ADAMTS6: variants seen among roughly 807,000 people sequenced by gnomAD.
ADAMTS6 encodes the protein ADAM metallopeptidase with thrombospondin type 1 motif 6.
ADAMTS6 carries 23 observed loss-of-function variants against 144.3 expected under a neutral mutation model. The observed-to-expected ratio is 0.16, with a 90% CI of 0.11 to 0.23. ADAMTS6 has a LOEUF of 0.23. Among genes scored for constraint, ADAMTS6 ranks in the 10% least tolerant of loss-of-function variants. The pLI, the probability that ADAMTS6 is intolerant of heterozygous loss-of-function variation, is 1.00. For synonymous variants in ADAMTS6, 444 were observed against 457.5 expected, an observed-to-expected ratio of 0.97 and a Z score of 0.38; for missense variants, 999 against 1,379.6, an observed-to-expected ratio of 0.72 and a Z score of 4.37.
chr5:65,331,253 T>C (rs559718097), intron 8 of ADAMTS6, among the ~76,000 whole-genome samples: 2 of 152,228 alleles, frequency 1.3e-5, no homozygotes, highest in African/African-American at 4.8e-5. Context: ...TTAATGTTTC[T>C]TACATTTCCC....
chr5:65,278,813 A>C (rs1762761553), intron 11 of ADAMTS6, among the ~76,000 whole-genome samples: 1 of 152,164 alleles, frequency 6.6e-6, no homozygotes, highest in Non-Finnish European at 1.5e-5. Flanking sequence ...ATGATATTTA[A>C]ATTGAATATA....
chr5:65,207,704 T>C (rs1304594320), intron 20 of ADAMTS6, among the ~76,000 whole-genome samples: 1 of 152,260 alleles, frequency 6.6e-6, no homozygotes, highest in Non-Finnish European at 1.5e-5. Context: ...AGGTCTTCTC[T>C]GATTAGAACT....
At chr5:65,446,860 G>A (rs754141312) in intron 7 of ADAMTS6, among the ~76,000 whole-genome samples, 33 of 152,124 alleles carry the variant, frequency 2.2e-4, no homozygotes, top group Non-Finnish European at 4.0e-4. Context: ...GGGAGTGATG[G>A]AATGTTCTAA....
chr5:65,195,909 T>G (rs567244035), intron 21 of ADAMTS6, among the ~76,000 whole-genome samples: 1 of 152,378 alleles, frequency 6.6e-6, no homozygotes, highest in South Asian at 2.1e-4. Context: ...CTACAAAGAT[T>G]ACTTTTGTCG....
At chr5:65,199,355 T>C (rs984840936) in intron 20 of ADAMTS6, among the ~76,000 whole-genome samples, 1 of 152,156 alleles carries the variant, frequency 6.6e-6, no homozygotes, top group East Asian at 1.9e-4. Context: ...ACCCTAGAAA[T>C]GTTGTTTGGC....
intron 9 of ADAMTS6, among the ~76,000 whole-genome samples, chr5:65,302,170 G>T (rs1419909998): frequency 2.2e-5 from 3 of 136,292 alleles, no homozygotes; most frequent in Admixed American, 7.6e-5. Context: ...ATATTTATAT[G>T]ATATTATACA....
rs182876819 is a variant in ADAMTS6 at position 65,363,068 on chromosome 5, G to A, written c.1074-28983C>T. 6.6e-5 allele frequency among the ~76,000 whole-genome samples: 10 copies of A among 152,070 alleles called. No individual in the cohort carries two copies. In the East Asian group the frequency reaches 1.2e-3, roughly 18 times the overall value. ...CCAAGATACAGCAGAAGCCTGTCAC[G>A]GTTTCACATTCATTGTATATTAAAT... On this transcript the variant is annotated intron_variant, in intron 7 of 24. Transcript: ENST00000381055.
In ADAMTS6 at chr5:65,277,629, A is replaced by C. The variant is rs1191688478; in HGVS notation, c.1513-4182T>G. ...GGACTGTCCTTATTTGTTAAGTTGT[A>C]ATTTTTTACTTTATTGGTGTTACAG... On this transcript the variant is annotated intron_variant, in intron 11 of 24. Coordinates refer to ENST00000381055, the MANE Select transcript of ADAMTS6 (RefSeq NM_197941.4). Among the ~76,000 whole-genome samples the C allele has an allele frequency of 2.0e-5, 3 of 151,672 alleles. No homozygotes were observed. The East Asian group carries it at 5.8e-4, about 29-fold the overall frequency.
At chr5:65,239,423 G>A (rs1053236630) in intron 15 of ADAMTS6, among the ~76,000 whole-genome samples, 3 of 152,132 alleles carry the variant, frequency 2.0e-5, no homozygotes, top group Non-Finnish European at 2.9e-5. Context: ...ATAGATCATA[G>A]ATGTAAATGT....
At chr5:65,194,133 T>C (rs1755183318) in intron 21 of ADAMTS6, among the ~76,000 whole-genome samples, 2 of 152,218 alleles carry the variant, frequency 1.3e-5, no homozygotes, top group African/African-American at 4.8e-5. Context: ...TTCAGTAGCC[T>C]TTCTATGATT....
intron 22 of ADAMTS6, among the ~76,000 whole-genome samples, chr5:65,180,714 AT>A (rs2075857901): frequency 6.6e-6 from 1 of 151,908 alleles, no homozygotes; most frequent in African/African-American, 2.4e-5. Flanking sequence ...TAAAAAAAAA[AT>A]CCCTTAATGG....
At chr5:65,367,983 T>A (rs1292702345) in intron 7 of ADAMTS6, among the ~76,000 whole-genome samples, 4 of 152,162 alleles carry the variant, frequency 2.6e-5, no homozygotes, top group Non-Finnish European at 5.9e-5. Context: ...TTATCTTTTT[T>A]AATTCATTAT....
At chr5:65,317,256 A>T (rs529568539) in intron 9 of ADAMTS6, among the ~76,000 whole-genome samples, 2 of 152,358 alleles carry the variant, frequency 1.3e-5, no homozygotes, top group South Asian at 4.1e-4. Context: ...TCAACTATAA[A>T]GAAAAGGTAT....
intron 24 of ADAMTS6, among the ~76,000 whole-genome samples, chr5:65,159,268 G>T (rs1031330717): frequency 4.6e-5 from 7 of 151,992 alleles, no homozygotes; most frequent in African/African-American, 1.7e-4. Context: ...CCCACACAAG[G>T]CTGCCCTCCC....
rs534182813 is a variant in ADAMTS6 at position 65,375,694 on chromosome 5, T to G, written c.1074-41609A>C. ...TAAACTAGTTCAACCATTGTGGAAG[T>G]CAGTGTGGCGATTCCTCAGGGATCT... On this transcript the variant is annotated intron_variant, in intron 7 of 24. Coordinates refer to ENST00000381055, the MANE Select transcript of ADAMTS6 (RefSeq NM_197941.4). 7.7e-4 allele frequency among the ~76,000 whole-genome samples: 117 copies of G among 152,198 alleles called. 1 individual carries two copies. The highest frequency in any genetic ancestry group is 2.7e-3 in the African/African-American group (112 of 41,492).
At chr5:65,398,821 A>G (rs1215378489) in intron 7 of ADAMTS6, among the ~76,000 whole-genome samples, 7 of 138,148 alleles carry the variant, frequency 5.1e-5, no homozygotes, top group African/African-American at 2.4e-4. Context: ...AGAAAGAAAG[A>G]AAGAAAGAAA....
intron 13 of ADAMTS6, among the ~76,000 whole-genome samples, chr5:65,261,416 T>G (rs1761183537): frequency 6.6e-6 from 1 of 151,992 alleles, no homozygotes; most frequent in Non-Finnish European, 1.5e-5. Flanking sequence ...TTAAAAGAGG[T>G]CCAGTTTTTT....
intron 7 of ADAMTS6, among the ~76,000 whole-genome samples, chr5:65,421,207 C>T (rs914956328): frequency 6.6e-6 from 1 of 152,144 alleles, no homozygotes; most frequent in African/African-American, 2.4e-5. Flanking sequence ...TGCATATCAA[C>T]CTTTTGCTTC....
chr5:65,181,494 A>C (rs1400183524), intron 22 of ADAMTS6, among the ~76,000 whole-genome samples: 1 of 152,262 alleles, frequency 6.6e-6, no homozygotes, highest in Non-Finnish European at 1.5e-5. Flanking sequence ...CAAATATTAA[A>C]CATTATTAAA....
Sources: allele counts gnomAD v4.1 joint callset (sites outside exome capture counted in the v4.1 genomes callset), GRCh38; gene constraint gnomAD v4.1.1; transcripts MANE v1.5; gene names NCBI Gene and HGNC (gene_info 2026-07-23, HGNC 2026-07-21).